The following LRP1B variants were observed in gnomAD, a reference collection of about 807,000 sequenced individuals.
LRP1B encodes LDL receptor related protein 1B.
Under a neutral mutation model 556.6 loss-of-function variants are expected in LRP1B, and 217 were observed. The ratio of observed to expected loss-of-function variants is 0.39; its 90% CI spans 0.35 to 0.44. LRP1B has a LOEUF of 0.44. Among genes scored for constraint, LRP1B ranks in the 20% least tolerant of loss-of-function variants. LRP1B has a pLI of 1.00. For synonymous variants in LRP1B, 2,047 were observed against 1,865.8 expected (o/e 1.10, Z -2.50); for missense variants, 5,053 against 5,620.8 (o/e 0.90, Z 3.23).
intron 2 of LRP1B, among the ~76,000 whole-genome samples, chr2:141,795,669 G>T (rs1695779656): frequency 6.6e-6 from 1 of 151,664 alleles, no homozygotes; most frequent in Non-Finnish European, 1.5e-5. Flanking sequence ...GTCAATTCCA[G>T]TCACGGTTCT....
chr2:140,799,192 G>A (rs1690420146), intron 32 of LRP1B, among the ~76,000 whole-genome samples: 2 of 152,100 alleles, frequency 1.3e-5, no homozygotes, highest in African/African-American at 4.8e-5. Flanking sequence ...GCTATGAACT[G>A]AATTATGTCC....
chr2:141,578,451 T>G (rs938216593), intron 2 of LRP1B, among the ~76,000 whole-genome samples: 1 of 151,890 alleles, frequency 6.6e-6, no homozygotes, highest in African/African-American at 2.4e-5. Context: ...CCCACCATCT[T>G]TGCTTGAAGA....
At chr2:141,297,350 T>C (rs1291070449) in intron 3 of LRP1B, among the ~76,000 whole-genome samples, 4 of 152,204 alleles carry the variant, frequency 2.6e-5, no homozygotes, top group Non-Finnish European at 4.4e-5. Flanking sequence ...GCCTATGCAC[T>C]GTTGGTGGGA....
intron 83 of LRP1B, among the ~76,000 whole-genome samples, chr2:140,311,497 G>C (rs1180476648): frequency 6.6e-6 from 1 of 151,756 alleles, no homozygotes; most frequent in African/African-American, 2.4e-5. Flanking sequence ...ACATGTTGTG[G>C]AATAATAGAC....
chr2:140,297,695 G>T, intron 84 of LRP1B, 113 bp downstream of exon 84: 3 of 1,191,588 alleles, frequency 2.5e-6, no homozygotes, highest in Admixed American at 2.2e-5. Flanking sequence ...GACAGAGACT[G>T]AACCTGAAAA....
intron 6 of LRP1B, among the ~76,000 whole-genome samples, chr2:141,221,519 CAGAT>C (rs1683042078): frequency 6.7e-6 from 1 of 148,752 alleles, no homozygotes; most frequent in Non-Finnish European, 1.5e-5. Context: ...AAATATTAGA[CAGAT>C]TGAGATAAAA....
chr2:141,110,665 G>A (rs1700728254), intron 7 of LRP1B, among the ~76,000 whole-genome samples: 1 of 151,714 alleles, frequency 6.6e-6, no homozygotes, highest in Middle Eastern at 3.2e-3. Context: ...AGGTGCAAGT[G>A]GTCTTTTCCA....
intron 22 of LRP1B, among the ~76,000 whole-genome samples, chr2:140,905,717 C>A (rs1694232154): frequency 6.6e-6 from 1 of 152,034 alleles, no homozygotes; most frequent in Non-Finnish European, 1.5e-5. Context: ...TTAGCACACC[C>A]CGACCTTCAA....
chr2:141,322,759 T>G (rs2105474270), intron 3 of LRP1B, among the ~76,000 whole-genome samples: 1 of 152,240 alleles, frequency 6.6e-6, no homozygotes, highest in South Asian at 2.1e-4. Flanking sequence ...TTCTTATGTC[T>G]TTATTTCTAA....
chr2:141,565,256 C>T (rs1038944121), intron 2 of LRP1B, among the ~76,000 whole-genome samples: 3 of 152,078 alleles, frequency 2.0e-5, no homozygotes, highest in East Asian at 1.9e-4. Flanking sequence ...TTAGTGTCTC[C>T]GGGTTGCTTA....
At chr2:141,711,882 C>T (rs917468292) in intron 2 of LRP1B, among the ~76,000 whole-genome samples, 2 of 151,930 alleles carry the variant, frequency 1.3e-5, no homozygotes, top group African/African-American at 2.4e-5. Flanking sequence ...AGGGCATTTG[C>T]TTTTTAACTG....
chr2:140,247,260 G>T, intron 86 of LRP1B, 98 bp from the exon 87 acceptor site: 1 of 762,182 alleles, frequency 1.3e-6, no homozygotes, highest in Non-Finnish European at 2.3e-6. Context: ...GGTTACAGGA[G>T]CCAGTCATCA....
chr2:141,194,523 C>G (rs1169368276), intron 6 of LRP1B, among the ~76,000 whole-genome samples: 1 of 152,016 alleles, frequency 6.6e-6, no homozygotes, highest in Non-Finnish European at 1.5e-5. Flanking sequence ...AACATGATTT[C>G]CACATTTCAG....
intron 2 of LRP1B, among the ~76,000 whole-genome samples, chr2:141,570,856 G>C (rs1442320250): frequency 1.3e-5 from 2 of 150,932 alleles, no homozygotes; most frequent in Non-Finnish European, 3.0e-5. Flanking sequence ...CTTCTCTGCA[G>C]GAACTCCAAT....
At position 140,531,958 on chromosome 2, in the gene LRP1B, A is replaced by C. The variant is rs530914212; in HGVS notation, c.7762+2063T>G. ...TCATATATAATTTGTTATTTAAATA[A>C]GTAATTTTGATGCACTCTACTCATG... On this transcript the variant is annotated intron_variant, in intron 47 of 90. Transcript: ENST00000389484. 2.6e-5 allele frequency among the ~76,000 whole-genome samples: 4 copies of C among 152,260 alleles called. No individual in the cohort carries two copies. In the South Asian group the frequency reaches 8.3e-4, roughly 32 times the overall value.
chr2:140,292,507 G>C (rs1234338542), intron 84 of LRP1B, among the ~76,000 whole-genome samples: 1 of 152,032 alleles, frequency 6.6e-6, no homozygotes, highest in Non-Finnish European at 1.5e-5. Context: ...TGTGTATGCT[G>C]TTCCCCTTTG....
intron 1 of LRP1B, among the ~76,000 whole-genome samples, chr2:142,010,296 T>G (rs918012612): frequency 1.3e-5 from 2 of 152,084 alleles, no homozygotes; most frequent in Non-Finnish European, 2.9e-5. Flanking sequence ...GGTTCATGCC[T>G]GTAATCCTAG....
intron 83 of LRP1B, among the ~76,000 whole-genome samples, chr2:140,299,760 T>A (rs1053946308): frequency 6.6e-6 from 1 of 152,010 alleles, no homozygotes; most frequent in African/African-American, 2.4e-5. Flanking sequence ...ATTCTTCAAT[T>A]ACAGTCAATG....
chr2:141,398,585 A>G (rs182834874), intron 3 of LRP1B, among the ~76,000 whole-genome samples: 36 of 152,294 alleles, frequency 2.4e-4, no homozygotes, highest in African/African-American at 8.7e-4. Context: ...CTGACAGGCA[A>G]GATGGACTCT....
Sources: allele counts gnomAD v4.1 joint callset (sites outside exome capture counted in the v4.1 genomes callset), GRCh38; gene constraint gnomAD v4.1.1; transcripts MANE v1.5; gene names NCBI Gene and HGNC (gene_info 2026-07-23, HGNC 2026-07-21).